Variants in SNX30 observed in about 807,000 individuals in gnomAD.
The protein encoded by SNX30 is sorting nexin family member 30, also known as sorting nexin-30.
SNX30 carries 24 observed loss-of-function variants against 46.4 expected under a neutral mutation model. That is an observed-to-expected ratio of 0.52 (90% CI 0.37 to 0.73). The LOEUF is 0.73. Among genes scored for constraint, SNX30 ranks in the 30% least tolerant of loss-of-function variants. SNX30 has a pLI of 0.00. For synonymous variants in SNX30, 189 were observed against 211.5 expected (o/e 0.89, Z 0.92); for missense variants, 533 against 555.7 (o/e 0.96, Z 0.41).
At chr9:112,792,550 G>A (rs1401220758) in intron 1 of SNX30, among the ~76,000 whole-genome samples, 2 of 152,100 alleles carry the variant, frequency 1.3e-5, no homozygotes, top group Non-Finnish European at 2.9e-5. Flanking sequence ...TCAGCCTCCT[G>A]AGTAGCTGTG....
chr9:112,825,441 T>G (rs1840566466), intron 3 of SNX30, among the ~76,000 whole-genome samples: 1 of 152,076 alleles, frequency 6.6e-6, no homozygotes, highest in African/African-American at 2.4e-5. Context: ...ACTTCAGGCG[T>G]GCACCACCAT....
At chr9:112,789,704 T>A (rs1353838421) in intron 1 of SNX30, among the ~76,000 whole-genome samples, 1 of 152,204 alleles carries the variant, frequency 6.6e-6, no homozygotes, top group Non-Finnish European at 1.5e-5. Context: ...CTGGAGATTC[T>A]TAGAAAAATC....
chr9:112,845,466 C>T (rs565038000), intron 6 of SNX30, among the ~76,000 whole-genome samples: 4 of 152,274 alleles, frequency 2.6e-5, no homozygotes, highest in South Asian at 2.1e-4. Context: ...TTCTGATCCT[C>T]TCCTCCCTGC....
At chr9:112,864,145 A>T in intron 7 of SNX30, 102 bp from the exon 8 acceptor site, 1 of 1,255,018 alleles carries the variant, frequency 8.0e-7, no homozygotes, top group Non-Finnish European at 1.1e-6. Flanking sequence ...ATAGCATTTT[A>T]ATGTAGGGCT....
intron 1 of SNX30, among the ~76,000 whole-genome samples, chr9:112,752,564 C>A (rs763738046): frequency 6.6e-6 from 1 of 151,970 alleles, no homozygotes; most frequent in Admixed American, 6.6e-5. Context: ...ATGATTGCAC[C>A]GCTGTACTCC....
intron 1 of SNX30, among the ~76,000 whole-genome samples, chr9:112,753,857 A>C (rs1839311151): frequency 6.6e-6 from 1 of 152,244 alleles, no homozygotes; most frequent in Non-Finnish European, 1.5e-5. Flanking sequence ...GTATGGTCTC[A>C]TAACTCTGAA....
chr9:112,797,711 CT>C (rs71384277), intron 1 of SNX30, among the ~76,000 whole-genome samples: 14 of 121,342 alleles, frequency 1.2e-4, no homozygotes, highest in Non-Finnish European at 1.5e-4. Context: ...TTTTCTTTTT[CT>C]TTTTTTTTTT....
intron 7 of SNX30, among the ~76,000 whole-genome samples, chr9:112,861,901 G>C (rs984611905): frequency 6.6e-6 from 1 of 151,774 alleles, no homozygotes; most frequent in Non-Finnish European, 1.5e-5. Context: ...TCCTCAGCGT[G>C]CTTATCACGG....
chr9:112,766,050 C>T (rs1839532522), intron 1 of SNX30, among the ~76,000 whole-genome samples: 1 of 152,202 alleles, frequency 6.6e-6, no homozygotes, highest in South Asian at 2.1e-4. Context: ...AATCCACCTG[C>T]CTCGGCCTCC....
chr9:112,830,462 G>C (rs1056745286), intron 3 of SNX30, among the ~76,000 whole-genome samples: 1 of 151,624 alleles, frequency 6.6e-6, no homozygotes, highest in Non-Finnish European at 1.5e-5. Flanking sequence ...AAAAATTACT[G>C]TTGAATTTAC....
Position 112,864,311 on chromosome 9 carries a change from A to T in SNX30, c.1166A>T (p.Asp389Val), listed in dbSNP as rs754974452. ...MECFNADLKA[D>V]MERWQNNKRQ... Reference sequence around the variant, plus strand: ...TGTTTCAATGCTGACCTGAAAGCTGACATGGAGAGGTGGCAGAACAACAAG... The same window carrying T: ...TGTTTCAATGCTGACCTGAAAGCTGTCATGGAGAGGTGGCAGAACAACAAG... The change falls in exon 8 of 9, where the codon GAC becomes GTC. Residue 389 changes from aspartate to valine, a missense_variant. Asp to Val is a radical substitution (Grantham distance 152, BLOSUM62 -3). This residue lies in a region of SNX30 where 261 missense variants were observed against 270.9 expected (regional missense o/e 0.96). Transcript: ENST00000374232. 1 of 1,614,176 alleles carries T rather than the reference A, an allele frequency of 6.2e-7. No individual in the cohort carries two copies. The highest frequency in any genetic ancestry group is 8.5e-7 in the Non-Finnish European group (1 of 1,180,018).
At chr9:112,879,448 C>A (rs1300477872), downstream of SNX30, 2 of 282,050 alleles carry the variant, frequency 7.1e-6, no homozygotes, top group Non-Finnish European at 1.3e-5. Flanking sequence ...GAGTCTGAAG[C>A]CCCTCACAGG....
intron 4 of SNX30, among the ~76,000 whole-genome samples, chr9:112,834,054 G>T (rs1261853842): frequency 6.6e-6 from 1 of 151,844 alleles, no homozygotes; most frequent in African/African-American, 2.4e-5. Flanking sequence ...GTTGGGGGAA[G>T]GTATGGATAG....
intron 7 of SNX30, 26 bp from the exon 8 acceptor site, chr9:112,864,221 C>T (rs778759728): frequency 1.2e-6 from 2 of 1,612,384 alleles, no homozygotes; most frequent in Non-Finnish European, 1.7e-6. Flanking sequence ...GTGTGCAGGG[C>T]ACCCATGTGT....
intron 1 of SNX30, among the ~76,000 whole-genome samples, chr9:112,763,047 C>T (rs1037086893): frequency 6.6e-6 from 1 of 152,100 alleles, no homozygotes; most frequent in African/African-American, 2.4e-5. Flanking sequence ...CCAGGGGAAG[C>T]GGTCAGGCCA....
intron 1 of SNX30, among the ~76,000 whole-genome samples, chr9:112,762,283 C>T (rs1267551173): frequency 6.6e-6 from 1 of 151,888 alleles, no homozygotes; most frequent in Non-Finnish European, 1.5e-5. Context: ...GGGGTTCCTG[C>T]TTGAGAAGGG....
rs1399598993 is a variant in SNX30 at position 112,874,845 on chromosome 9, G to A, written c.*6002G>A. 2 of 151,866 alleles carry A rather than the reference G, an allele frequency of 1.3e-5. No individual in the cohort carries two copies. The highest frequency in any genetic ancestry group is 3.9e-4 in the East Asian group (2 of 5,158). The allele number at this position is 151,866 out of a possible 1,614,324, so 9.4% of individuals were successfully genotyped here. A position where few individuals can be genotyped will look rare whatever the true frequency, so the allele number is the denominator to read the frequency against. Reference sequence around the variant, plus strand: ...TCATATATCTGTGTATAAAAAAATTGTTGTTTACTATGGAATTAGTATTAC... The same window carrying A: ...TCATATATCTGTGTATAAAAAAATTATTGTTTACTATGGAATTAGTATTAC... On this transcript the variant is annotated 3_prime_UTR_variant, in exon 9 of 9. Transcript: ENST00000374232.
At chr9:112,753,222 G>T (rs1342712858) in intron 1 of SNX30, among the ~76,000 whole-genome samples, 2 of 152,124 alleles carry the variant, frequency 1.3e-5, no homozygotes, top group Non-Finnish European at 2.9e-5. Context: ...TGACTCAGAA[G>T]TATGAGCATT....
At chr9:112,819,931 C>T (rs1339129613) in intron 3 of SNX30, among the ~76,000 whole-genome samples, 1 of 152,220 alleles carries the variant, frequency 6.6e-6, no homozygotes, top group African/African-American at 2.4e-5. Flanking sequence ...TACTCTTTCT[C>T]CCAGCCTTTT....
Sources: gnomAD v4.1 joint callset for allele counts (sites outside exome capture counted in the v4.1 genomes callset) on GRCh38, gnomAD v4.1.1 for gene constraint, gnomAD v4.1.1 regional missense constraint, MANE v1.5 for transcripts, NCBI Gene and HGNC (gene_info 2026-07-23, HGNC 2026-07-21) for gene names.